AGPS: variants seen among roughly 807,000 people sequenced by gnomAD.
AGPS encodes the protein alkyldihydroxyacetonephosphate synthase, peroxisomal.
Under a neutral mutation model 90.7 loss-of-function variants are expected in AGPS, and 26 were observed. The observed-to-expected ratio is 0.29, with a 90% CI of 0.21 to 0.40. The LOEUF is 0.40. Among genes scored for constraint, AGPS ranks in the 10% least tolerant of loss-of-function variants. AGPS has a pLI of 1.00. For synonymous variants in AGPS, 294 were observed against 285.3 expected, an observed-to-expected ratio of 1.03 and a Z score of -0.31; for missense variants, 540 against 816.1, an observed-to-expected ratio of 0.66 and a Z score of 4.12.
At chr2:177,393,470 T>TC in intron 1 of AGPS, 1 of 985,432 alleles carries the variant, frequency 1.0e-6, no homozygotes, top group Non-Finnish European at 1.2e-6. Flanking sequence ...TCTCTCTCAT[T>TC]CGCGAAAGCC....
intron 18 of AGPS, among the ~76,000 whole-genome samples, chr2:177,523,484 G>A (rs942214770): frequency 2.0e-5 from 3 of 152,150 alleles, no homozygotes; most frequent in Non-Finnish European, 2.9e-5. Flanking sequence ...AATTTAGTGT[G>A]CTGAATGGTC....
At chr2:177,450,578 C>A (rs1686908091) in intron 8 of AGPS, among the ~76,000 whole-genome samples, 1 of 152,062 alleles carries the variant, frequency 6.6e-6, no homozygotes, top group Admixed American at 6.6e-5. Context: ...TGACTTTGCA[C>A]CATCATTTAA....
chr2:177,409,528 A>T (rs189927543), intron 1 of AGPS, among the ~76,000 whole-genome samples: 1 of 152,036 alleles, frequency 6.6e-6, no homozygotes, highest in Admixed American at 6.5e-5. Flanking sequence ...AGCTGGGTTT[A>T]GGAATTCTTA....
Position 177,392,828 on chromosome 2 carries a change from G to A in AGPS, c.39G>A (p.Leu13=). The A allele has an allele frequency of 1.3e-6, 2 of 1,534,496 alleles. No homozygotes were observed. The highest frequency in any genetic ancestry group is 8.7e-7 in the Non-Finnish European group (1 of 1,147,744). The change falls in exon 1 of 20, where the codon TTG becomes TTA. Residue 13 remains leucine (L), a synonymous_variant. Coordinates refer to ENST00000264167, the MANE Select transcript of AGPS (RefSeq NM_003659.4). ...EAAAAAGGTG[L]GAGASYGSAA... The stretch of plus-strand genomic sequence containing the variant: ...CGGCTGCAGCGGGTGGGACTGGCTT[G>A]GGCGCGGGCGCGAGCTACGGGTCTG...
intron 1 of AGPS, among the ~76,000 whole-genome samples, chr2:177,416,116 A>G (rs930409964): frequency 6.6e-6 from 1 of 152,222 alleles, no homozygotes. Flanking sequence ...AACCATGCAT[A>G]TATATCAGGA....
chr2:177,518,792 C>T lies in AGPS; in HGVS notation c.1698-2477C>T, dbSNP rs1689097501. 5.3e-5 allele frequency among the ~76,000 whole-genome samples: 8 copies of T among 151,378 alleles called. No homozygotes were observed. In the South Asian group the frequency reaches 1.7e-3, roughly 32 times the overall value. On this transcript the variant is annotated intron_variant, in intron 17 of 19. Coordinates refer to ENST00000264167, the MANE Select transcript of AGPS (RefSeq NM_003659.4). The stretch of plus-strand genomic sequence containing the variant: ...TATTCACTTTGTTGCTCAGATTTTC[C>T]CAGTGTGGCTATTGGGAGTTTCTTT...
At chr2:177,461,748 CTT>C (rs56895184) in intron 8 of AGPS, 143 bp from the exon 9 acceptor site, 19,246 of 455,250 alleles carry the variant, frequency 0.042, no homozygotes, top group East Asian at 0.073. Flanking sequence ...ATAAAAGTAT[CTT>C]TTTTTTTTTT....
At chr2:177,431,552 A>G (rs1686245344) in intron 2 of AGPS, among the ~76,000 whole-genome samples, 1 of 152,192 alleles carries the variant, frequency 6.6e-6, no homozygotes, top group African/African-American at 2.4e-5. Context: ...TCTCAACTGC[A>G]TGAGACAGAC....
chr2:177,490,744 C>T (rs1013573236), intron 11 of AGPS, among the ~76,000 whole-genome samples: 3 of 151,510 alleles, frequency 2.0e-5, no homozygotes, highest in African/African-American at 7.3e-5. Context: ...GTACAGTGAT[C>T]ACCTGTCTAT....
rs749904607 is a variant in AGPS, at chr2:177,468,434, G to A, written c.1015G>A (p.Val339Ile). The change falls in exon 10 of 20, where the codon GTA becomes ATA. Residue 339 changes from valine to isoleucine, a missense_variant. Around this residue, in one of 2 missense-constraint regions of AGPS, gnomAD observed 405 missense variants for 692.1 expected, o/e 0.59. Coordinates refer to ENST00000264167, the MANE Select transcript of AGPS (RefSeq NM_003659.4). ...IEDLVVHIKM[V>I]TPRGIIEKSC... is the part of the protein sequence containing the mutation. Reference sequence around the variant, plus strand: ...TAAACAGGTGGTTCATATAAAAATGGTAACACCTAGAGGTATAATAGAAAA... The same window carrying A: ...TAAACAGGTGGTTCATATAAAAATGATAACACCTAGAGGTATAATAGAAAA... 3 of 1,609,956 alleles carry A rather than the reference G, an allele frequency of 1.9e-6. No individual in the cohort carries two copies. The highest frequency in any genetic ancestry group is 2.5e-6 in the Non-Finnish European group (3 of 1,177,370).
rs763689839 is a variant in AGPS, at chr2:177,509,494, G to A, written c.1607+1463G>A. 9.2e-5 allele frequency among the ~76,000 whole-genome samples: 14 copies of A among 151,898 alleles called. No individual in the cohort carries two copies. The East Asian group carries it at 9.6e-4, about 10-fold the overall frequency. On this transcript the variant is annotated intron_variant, in intron 16 of 19. Coordinates refer to ENST00000264167, the MANE Select transcript of AGPS (RefSeq NM_003659.4). Reference sequence around the variant, plus strand: ...ATCCTGGCTAACACGGTGAAACCTCGTCTCTACTGAAAATACAAAAAATTA... The same window carrying A: ...ATCCTGGCTAACACGGTGAAACCTCATCTCTACTGAAAATACAAAAAATTA...
intron 11 of AGPS, among the ~76,000 whole-genome samples, chr2:177,490,846 CTTTTTTTTTTTTT>C (rs61555724): frequency 3.4e-5 from 2 of 58,202 alleles, no homozygotes; most frequent in African/African-American, 1.3e-4. Context: ...AAGTTGCAGA[CTTTTTTTTTTTTT>C]TTTTTTTTTT....
At chr2:177,471,129 A>G (rs1407074709) in intron 10 of AGPS, among the ~76,000 whole-genome samples, 1 of 152,188 alleles carries the variant, frequency 6.6e-6, no homozygotes, top group African/African-American at 2.4e-5. Context: ...ATAGGCCAGG[A>G]GACAGCATGA....
chr2:177,394,452 A>G (rs1026289257), intron 1 of AGPS, among the ~76,000 whole-genome samples: 2 of 152,224 alleles, frequency 1.3e-5, no homozygotes, highest in South Asian at 4.1e-4. Context: ...TGAGAGACAA[A>G]TTAGGGAACT....
At chr2:177,433,920 C>T (rs978338588) in intron 2 of AGPS, among the ~76,000 whole-genome samples, 2 of 152,058 alleles carry the variant, frequency 1.3e-5, no homozygotes, top group African/African-American at 4.8e-5. Flanking sequence ...GGTATGCTTT[C>T]CAGATGCAGC....
At chr2:177,508,638 C>G (rs1365817399) in intron 16 of AGPS, among the ~76,000 whole-genome samples, 1 of 152,012 alleles carries the variant, frequency 6.6e-6, no homozygotes, top group African/African-American at 2.4e-5. Flanking sequence ...TGGTTAGTGA[C>G]TTAATAAAAA....
chr2:177,445,399 G>C, intron 7 of AGPS, 147 bp from the exon 8 acceptor site: 2 of 693,666 alleles, frequency 2.9e-6, no homozygotes, highest in South Asian at 3.3e-5. Context: ...GGGATAAGTG[G>C]ACTTGGTTTC....
intron 1 of AGPS, among the ~76,000 whole-genome samples, chr2:177,399,756 C>T (rs533991913): frequency 1.9e-4 from 29 of 152,338 alleles, no homozygotes; most frequent in African/African-American, 6.7e-4. Flanking sequence ...TCTTTGTGCT[C>T]ATCCCAGTGG....
At chr2:177,453,612 C>G (rs1228432553) in intron 8 of AGPS, among the ~76,000 whole-genome samples, 1 of 151,720 alleles carries the variant, frequency 6.6e-6, no homozygotes, top group Non-Finnish European at 1.5e-5. Flanking sequence ...TACATCAGCA[C>G]CATCTCCTAA....
Sources: gnomAD v4.1 joint callset for allele counts (sites outside exome capture counted in the v4.1 genomes callset) on GRCh38, gnomAD v4.1.1 for gene constraint, gnomAD v4.1.1 regional missense constraint, MANE v1.5 for transcripts, NCBI Gene and HGNC (gene_info 2026-07-23, HGNC 2026-07-21) for gene names.